The following ABLIM2 variants were observed in gnomAD, a reference collection of about 807,000 sequenced individuals.
ABLIM2 encodes actin-binding LIM protein 2.
Under a neutral mutation model 97.7 loss-of-function variants are expected in ABLIM2, and 53 were observed. The ratio of observed to expected loss-of-function variants is 0.54; its 90% CI spans 0.44 to 0.68. ABLIM2 has a LOEUF of 0.68. ABLIM2 is among the 30% of genes least tolerant of loss of function. ABLIM2 has a pLI of 0.00. For missense variants in ABLIM2, 835 were observed against 867.2 expected, an observed-to-expected ratio of 0.96 and a Z score of 0.47; for synonymous variants, 361 against 345.8, an observed-to-expected ratio of 1.04 and a Z score of -0.49.
chr4:7,990,201 TA>T (rs1204295462), intron 17 of ABLIM2, among the ~76,000 whole-genome samples: 1 of 152,122 alleles, frequency 6.6e-6, no homozygotes, highest in Admixed American at 6.5e-5. Flanking sequence ...TTTTCTTATG[TA>T]ATATATATAT....
At chr4:8,109,708 G>C (rs1445845136) in intron 1 of ABLIM2, among the ~76,000 whole-genome samples, 1 of 152,220 alleles carries the variant, frequency 6.6e-6, no homozygotes, top group African/African-American at 2.4e-5. Flanking sequence ...GGTATCAGCT[G>C]TCTGGGGATG....
At chr4:8,059,086 A>C (rs1045919476) in intron 7 of ABLIM2, among the ~76,000 whole-genome samples, 1 of 152,048 alleles carries the variant, frequency 6.6e-6, no homozygotes, top group Non-Finnish European at 1.5e-5. Context: ...TACCGGTTTT[A>C]ATGAGTGCCA....
chr4:8,036,521 T>C (rs1784569776), intron 9 of ABLIM2, among the ~76,000 whole-genome samples: 1 of 152,124 alleles, frequency 6.6e-6, no homozygotes, highest in Non-Finnish European at 1.5e-5. Context: ...CACAGCGCTT[T>C]GGGCAGAGTC....
chr4:8,127,534 T>C lies in ABLIM2; in HGVS notation c.11-20897A>G. 1 of 1,289,680 alleles carries C rather than the reference T, an allele frequency of 7.8e-7. No individual in the cohort carries two copies. The highest frequency in any genetic ancestry group is 1.0e-6 in the Non-Finnish European group (1 of 988,806). The allele number at this position is 1,289,680 out of a possible 1,614,324, so 79.9% of individuals were successfully genotyped here. Reference sequence around the variant, plus strand: ...CCGGATGGTCTGGGCAAAAGCGCAGTTTGGGGATTTACCTGTGTCTCCCCC... The same window carrying C: ...CCGGATGGTCTGGGCAAAAGCGCAGCTTGGGGATTTACCTGTGTCTCCCCC... On this transcript the variant is annotated intron_variant, in intron 1 of 20. Coordinates refer to ENST00000447017, the MANE Select transcript of ABLIM2 (RefSeq NM_001130083.2). The surrounding 1 kb of genome is among the most constrained non-coding windows in gnomAD (Gnocchi z 7.3).
rs1810443644 is a variant in ABLIM2, at chr4:8,069,635, C to T, written c.675+7993G>A. On this transcript the variant is annotated intron_variant, in intron 6 of 20. Coordinates refer to ENST00000447017, the MANE Select transcript of ABLIM2 (RefSeq NM_001130083.2). This position sits in a 1 kb window ranked among gnomAD's most constrained non-coding sequence, Gnocchi z 4.2. ...TCTTTCCGTGTGTCTGTGTGTGCAT[C>T]GTGTGTGCTGTCTTGGTTGTCTGTG... Among the ~76,000 whole-genome samples the T allele has an allele frequency of 1.3e-5, 2 of 151,488 alleles. No homozygotes were observed. Among genetic ancestry groups the T allele is most frequent in the Non-Finnish European group, 2.9e-5 (2 of 67,868 alleles).
At chr4:8,104,052 A>C (rs1485800717) in intron 2 of ABLIM2, among the ~76,000 whole-genome samples, 1 of 152,230 alleles carries the variant, frequency 6.6e-6, no homozygotes, top group East Asian at 1.9e-4. Flanking sequence ...GAAATCCACT[A>C]GCTGCAGGGA....
chr4:8,063,823 C>T (rs1036822453), intron 6 of ABLIM2, among the ~76,000 whole-genome samples: 1 of 152,170 alleles, frequency 6.6e-6, no homozygotes, highest in Non-Finnish European at 1.5e-5. Flanking sequence ...TTCCAAATAC[C>T]CCCCTTGCCT....
chr4:8,051,575 A>AAAAAAG (rs1796095758), intron 8 of ABLIM2, among the ~76,000 whole-genome samples: 1 of 151,456 alleles, frequency 6.6e-6, no homozygotes, highest in African/African-American at 2.4e-5. Flanking sequence ...AAAAAAAAAA[A>AAAAAAG]AAAAGAAAAG....
At position 8,058,589 on chromosome 4, in the gene ABLIM2, G is replaced by A. The variant is rs1379939530; in HGVS notation, c.763+2378C>T. On this transcript the variant is annotated intron_variant, in intron 7 of 20. Coordinates refer to ENST00000447017, the MANE Select transcript of ABLIM2 (RefSeq NM_001130083.2). This position sits in a 1 kb window ranked among gnomAD's most constrained non-coding sequence, Gnocchi z 4.2. ...GACCTGTCCTCGCCGGGGCCCCTAT[G>A]CCCCGTCCAATCCATCATCAAGTCT... 1.3e-5 allele frequency among the ~76,000 whole-genome samples: 2 copies of A among 152,138 alleles called. No homozygotes were observed. The highest frequency in any genetic ancestry group is 2.9e-5 in the Non-Finnish European group (2 of 68,022).
intron 14 of ABLIM2, chr4:8,010,470 G>C (rs183172851): frequency 5.1e-6 from 5 of 985,718 alleles, no homozygotes; most frequent in Non-Finnish European, 6.0e-6. Context: ...GTCTTTTGCC[G>C]TACCCTGCCT....
chr4:8,056,706 G>A (rs1455577275), intron 7 of ABLIM2, among the ~76,000 whole-genome samples: 3 of 151,922 alleles, frequency 2.0e-5, no homozygotes, highest in African/African-American at 7.2e-5. Context: ...GCTGAGGCAG[G>A]CGGATCACGA....
intron 17 of ABLIM2, among the ~76,000 whole-genome samples, chr4:7,987,640 G>T (rs1182589421): frequency 1.3e-5 from 2 of 152,164 alleles, no homozygotes; most frequent in African/African-American, 2.4e-5. Flanking sequence ...CACCTTGGAC[G>T]GTTGGAAACT....
At chr4:8,051,813 C>T (rs894498927) in intron 8 of ABLIM2, among the ~76,000 whole-genome samples, 8 of 152,146 alleles carry the variant, frequency 5.3e-5, no homozygotes, top group East Asian at 1.9e-4. Context: ...AACATCAGGG[C>T]GCCCTGCATT....
chr4:8,049,211 C>T (rs1335646044), intron 8 of ABLIM2, among the ~76,000 whole-genome samples: 1 of 152,254 alleles, frequency 6.6e-6, no homozygotes, highest in Non-Finnish European at 1.5e-5. Context: ...CCTCTATGTT[C>T]ACAGTGCTCA....
Position 8,127,626 on chromosome 4 carries a change from C to G in ABLIM2, c.11-20989G>C, listed in dbSNP as rs1848603040. The G allele has an allele frequency of 7.8e-7, 1 of 1,288,900 alleles. No individual in the cohort carries two copies. Among genetic ancestry groups the G allele is most frequent in the African/African-American group, 1.5e-5 (1 of 65,856 alleles). 79.8% of individuals were successfully genotyped at this position (1,288,900 alleles called of 1,614,324 possible). A position where few individuals can be genotyped will look rare whatever the true frequency, so the allele number is the denominator to read the frequency against. ...GGTCGGCGGCTCTCCCTCTGCGTGG[C>G]TGGGCCTGGCACCCACGGAGGATCG... On this transcript the variant is annotated intron_variant, in intron 1 of 20. Transcript: ENST00000447017. The surrounding 1 kb of genome is among the most constrained non-coding windows in gnomAD (Gnocchi z 7.3).
rs1402786764 is a variant in ABLIM2, at chr4:8,130,962, A to G, written c.11-24325T>C. On this transcript the variant is annotated intron_variant, in intron 1 of 20. Transcript: ENST00000447017. The surrounding 1 kb of genome is among the most constrained non-coding windows in gnomAD (Gnocchi z 4.2). ...AAAGGCTCTAGGGGAGGCTGCCGTT[A>G]CCTCGCCCTGCTCTTGGGGCAGCCT... is the stretch of plus-strand genomic sequence containing the variant. Among the ~76,000 whole-genome samples the G allele has an allele frequency of 6.6e-6, 1 of 151,828 alleles. No individual in the cohort carries two copies. Among genetic ancestry groups the G allele is most frequent in the Non-Finnish European group, 1.5e-5 (1 of 67,934 alleles).
chr4:8,092,196 C>T (rs557653044), intron 3 of ABLIM2, among the ~76,000 whole-genome samples: 5 of 151,714 alleles, frequency 3.3e-5, no homozygotes, highest in African/African-American at 1.2e-4. Flanking sequence ...TGGGGTTTCA[C>T]CATGTTAGCC....
intron 20 of ABLIM2, among the ~76,000 whole-genome samples, chr4:7,967,866 G>A (rs1724224365): frequency 6.6e-6 from 1 of 152,254 alleles, no homozygotes; most frequent in Admixed American, 6.5e-5. Flanking sequence ...CACTGGCTGT[G>A]GACTGTACCC....
Position 8,113,789 on chromosome 4 carries a change from C to G in ABLIM2, c.11-7152G>C, listed in dbSNP as rs143931568. Reference sequence around the variant, plus strand: ...ATATTCAGTTTTCTAAGCCTACACACGCACACATGAACTCCAGAGGTCCCG... The same window carrying G: ...ATATTCAGTTTTCTAAGCCTACACAGGCACACATGAACTCCAGAGGTCCCG... On this transcript the variant is annotated intron_variant, in intron 1 of 20. Coordinates refer to ENST00000447017, the MANE Select transcript of ABLIM2 (RefSeq NM_001130083.2). The surrounding 1 kb of genome is among the most constrained non-coding windows in gnomAD (Gnocchi z 4.5). Among the ~76,000 whole-genome samples, 1 of 152,234 alleles carries G rather than the reference C, an allele frequency of 6.6e-6. No individual in the cohort carries two copies. The highest frequency in any genetic ancestry group is 1.5e-5 in the Non-Finnish European group (1 of 68,030).
Sources: allele counts gnomAD v4.1 joint callset (sites outside exome capture counted in the v4.1 genomes callset), GRCh38; gene constraint gnomAD v4.1.1; non-coding constraint Gnocchi (gnomAD v3.1); transcripts MANE v1.5; gene names NCBI Gene and HGNC (gene_info 2026-07-23, HGNC 2026-07-21).